The following SCN10A variants were observed in gnomAD, a reference collection of about 807,000 sequenced individuals.
SCN10A encodes the protein sodium voltage-gated channel alpha subunit 10.
In SCN10A, 162 loss-of-function variants were observed where a neutral mutation model predicts 170.7. The ratio of observed to expected loss-of-function variants is 0.95; its 90% CI spans 0.84 to 1.08. The LOEUF (loss-of-function observed/expected upper bound fraction) is 1.08, where lower values mean the gene tolerates loss of function less well. Among genes scored for constraint, SCN10A ranks in the 50% least tolerant of loss-of-function variants. The pLI is 0.00. For missense variants in SCN10A, 2,527 were observed against 2,436.9 expected, an observed-to-expected ratio of 1.04 and a Z score of -0.78; for synonymous variants, 985 against 904.6, an observed-to-expected ratio of 1.09 and a Z score of -1.59.
intron 4 of SCN10A, among the ~76,000 whole-genome samples, chr3:38,784,344 C>G (rs557034954): frequency 6.6e-6 from 1 of 152,050 alleles, no homozygotes; most frequent in African/African-American, 2.4e-5. Flanking sequence ...AGTCAATAAA[C>G]GTAATCCATC....
intron 1 of SCN10A, among the ~76,000 whole-genome samples, chr3:38,813,715 T>C (rs1338800352): frequency 6.6e-6 from 1 of 152,128 alleles, no homozygotes; most frequent in East Asian, 1.9e-4. Flanking sequence ...AAAAGCACAA[T>C]ATATAAATAC....
intron 4 of SCN10A, among the ~76,000 whole-genome samples, chr3:38,783,090 C>A (rs954450779): frequency 1.3e-5 from 2 of 152,098 alleles, no homozygotes; most frequent in African/African-American, 4.8e-5. Context: ...TATAAGGACA[C>A]CAGTTCTACC....
chr3:38,750,250 A>G (rs1404653922), intron 12 of SCN10A, 66 bp from the exon 13 acceptor site: 1 of 869,022 alleles, frequency 1.2e-6, no homozygotes, highest in Non-Finnish European at 1.9e-6. Context: ...AAGTTGGATC[A>G]TTCAGCCTCT....
At chr3:38,745,235 A>G (rs1190088177) in intron 13 of SCN10A, among the ~76,000 whole-genome samples, 1 of 152,174 alleles carries the variant, frequency 6.6e-6, no homozygotes, top group East Asian at 1.9e-4. Flanking sequence ...AAACATGACC[A>G]TGGCCCCACC....
rs762451403 is a variant in SCN10A at position 38,757,031 on chromosome 3, C to T, written c.1079G>A (p.Arg360His). The T allele has an allele frequency of 1.4e-4, 223 of 1,610,242 alleles. 6 individuals are homozygous for T. The South Asian group carries it at 2.3e-3, about 16-fold the overall frequency. Residue 360 changes from arginine (R) to histidine (H), a missense_variant, in exon 9 of 28, where the codon CGC becomes CAC. Arg to His is a conservative substitution (Grantham distance 29). Transcript: ENST00000449082. ...FRLMTQDSWE[R>H]LYQQTLRTSG... Reference sequence around the variant, plus strand: ...GCAGCTCAGTACCTGCTGGTAGAGGCGTTCCCAGGAATCCTGTGTCATGAG... The same window carrying T: ...GCAGCTCAGTACCTGCTGGTAGAGGTGTTCCCAGGAATCCTGTGTCATGAG...
At chr3:38,698,695 T>TCAGAGCC in intron 27 of SCN10A, 133 bp from the exon 28 acceptor site, 1 of 788,484 alleles carries the variant, frequency 1.3e-6, no homozygotes, top group Non-Finnish European at 2.1e-6. Flanking sequence ...CTCTGGGCCC[T>TCAGAGCC]CAGAGCCTGG....
rs201748424 is a variant in SCN10A, at chr3:38,795,341, C to CTTTT, written c.-32-1303_-32-1300dup. ...TTGTCTTTTTTGTTTTTTTCTTTTT[C>CTTTT]TTTTTCTTTTTTTTTTTTTGAGACA... On this transcript the variant is annotated intron_variant, in intron 1 of 27. Coordinates refer to ENST00000449082, the MANE Select transcript of SCN10A (RefSeq NM_006514.4). Among the ~76,000 whole-genome samples the CTTTT allele has an allele frequency of 3.1e-5, 4 of 127,874 alleles. 1 individual carries two copies. The highest frequency in any genetic ancestry group is 3.2e-5 in the Non-Finnish European group (2 of 61,792). 83.9% of individuals were successfully genotyped at this position (127,874 alleles called of 152,430 possible). A position where few individuals can be genotyped will look rare whatever the true frequency, so the allele number is the denominator to read the frequency against.
chr3:38,727,177 G>T (rs1479875119), intron 16 of SCN10A, 125 bp from the exon 17 acceptor site: 20 of 840,478 alleles, frequency 2.4e-5, no homozygotes, highest in Non-Finnish European at 3.7e-5. Flanking sequence ...CACCCGGGAT[G>T]CTGTCCCTTT....
At chr3:38,744,262 G>T (rs534955920) in intron 13 of SCN10A, among the ~76,000 whole-genome samples, 2 of 152,240 alleles carry the variant, frequency 1.3e-5, no homozygotes, top group South Asian at 4.2e-4. Flanking sequence ...AGCAGGAAGG[G>T]TCTATAGTGG....
chr3:38,739,412 G>T, intron 15 of SCN10A, 103 bp downstream of exon 15: 1 of 1,058,774 alleles, frequency 9.4e-7, no homozygotes, highest in Non-Finnish European at 1.4e-6. Context: ...CTCCCACAAG[G>T]ACAGGAGAGG....
intron 26 of SCN10A, among the ~76,000 whole-genome samples, chr3:38,704,499 C>T (rs750823852): frequency 3.3e-5 from 5 of 152,172 alleles, no homozygotes; most frequent in African/African-American, 4.8e-5. Flanking sequence ...GATTAGCCCA[C>T]GGTCAGGGAT....
At chr3:38,736,823 G>C (rs1188236666) in intron 15 of SCN10A, among the ~76,000 whole-genome samples, 3 of 131,820 alleles carry the variant, frequency 2.3e-5, no homozygotes, top group African/African-American at 9.0e-5. Flanking sequence ...TTCCCCTGCA[G>C]AATCCTGTAG....
intron 1 of SCN10A, among the ~76,000 whole-genome samples, chr3:38,795,674 T>C (rs2064336673): frequency 6.6e-6 from 1 of 151,990 alleles, no homozygotes; most frequent in Non-Finnish European, 1.5e-5. Context: ...CTCTTCTCCT[T>C]CTCAGTCTCT....
At chr3:38,804,674 T>C (rs2064394666) in intron 1 of SCN10A, among the ~76,000 whole-genome samples, 1 of 152,004 alleles carries the variant, frequency 6.6e-6, no homozygotes, top group African/African-American at 2.4e-5. Context: ...TGTAGCTGAA[T>C]TGTGAGTCCA....
chr3:38,763,360 G>T, intron 6 of SCN10A, 145 bp downstream of exon 6: 1 of 696,148 alleles, frequency 1.4e-6, no homozygotes, highest in Non-Finnish European at 2.5e-6. Context: ...TTGGGTTTAT[G>T]TTTCCTATAC....
At chr3:38,736,304 T>C (rs2063559576) in intron 15 of SCN10A, among the ~76,000 whole-genome samples, 1 of 151,438 alleles carries the variant, frequency 6.6e-6, no homozygotes. Context: ...GGGAAACCAG[T>C]GAAGTTATTT....
chr3:38,807,858 T>C (rs555244237), intron 1 of SCN10A, among the ~76,000 whole-genome samples: 30 of 152,272 alleles, frequency 2.0e-4, no homozygotes, highest in African/African-American at 6.7e-4. Context: ...CCTCTTCACA[T>C]GTGCGCCAAC....
At chr3:38,756,920 C>T in intron 9 of SCN10A, 49 bp from the exon 10 acceptor site, 1 of 1,607,948 alleles carries the variant, frequency 6.2e-7, no homozygotes. Flanking sequence ...AGCACATGGA[C>T]CCCTGAATTT....
chr3:38,813,846 G>A (rs968388875), intron 1 of SCN10A, among the ~76,000 whole-genome samples: 4 of 152,212 alleles, frequency 2.6e-5, no homozygotes, highest in South Asian at 4.1e-4. Context: ...GGGACAGAAC[G>A]TATTTGCTTA....
Sources: gnomAD v4.1 joint callset for allele counts (sites outside exome capture counted in the v4.1 genomes callset) on GRCh38, gnomAD v4.1.1 for gene constraint, MANE v1.5 for transcripts, NCBI Gene and HGNC (gene_info 2026-07-23, HGNC 2026-07-21) for gene names.